CHST9: variants seen among roughly 807,000 people sequenced by gnomAD.
CHST9 encodes GalNAc-4-sulfotransferase 2.
In CHST9, 41 loss-of-function variants were observed where a neutral mutation model predicts 44.4. The ratio of observed to expected loss-of-function variants is 0.92; its 90% confidence interval spans 0.72 to 1.20. The LOEUF is 1.20. Ranked by LOEUF, CHST9 falls within the 50% of genes most tolerant of loss-of-function variation. The pLI is 0.00. For missense variants in CHST9, 504 were observed against 516.5 expected (o/e 0.98, Z 0.23); for synonymous variants, 171 against 178.4 (o/e 0.96, Z 0.33).
At chr18:26,977,918 A>T (rs918261778) in intron 4 of CHST9, among the ~76,000 whole-genome samples, 1 of 146,212 alleles carries the variant, frequency 6.8e-6, no homozygotes, top group African/African-American at 2.5e-5. Context: ...TTAATAACTT[A>T]AAAAAAAAAA....
chr18:27,065,094 T>C (rs1032944043), intron 2 of CHST9, among the ~76,000 whole-genome samples: 1 of 152,234 alleles, frequency 6.6e-6, no homozygotes, highest in African/African-American at 2.4e-5. Context: ...ATATTTCATC[T>C]TGAAGACTGG....
At chr18:27,175,652 G>A (rs1022280586) in intron 1 of CHST9, among the ~76,000 whole-genome samples, 1 of 151,934 alleles carries the variant, frequency 6.6e-6, no homozygotes, top group Non-Finnish European at 1.5e-5. Flanking sequence ...ATGTGAGGGT[G>A]GATACATGTG....
chr18:26,923,886 C>T (rs983625890), intron 5 of CHST9, among the ~76,000 whole-genome samples: 1 of 152,000 alleles, frequency 6.6e-6, no homozygotes, highest in Non-Finnish European at 1.5e-5. Context: ...TGAGATGAGC[C>T]TGGGAAGATG....
intron 2 of CHST9, among the ~76,000 whole-genome samples, chr18:27,117,022 G>C (rs986192881): frequency 1.3e-5 from 2 of 151,550 alleles, no homozygotes; most frequent in African/African-American, 4.8e-5. Flanking sequence ...TCAAGAGATA[G>C]TTTCTCCTTT....
At chr18:27,068,348 C>T (rs2057804021) in intron 2 of CHST9, among the ~76,000 whole-genome samples, 1 of 151,882 alleles carries the variant, frequency 6.6e-6, no homozygotes, top group Non-Finnish European at 1.5e-5. Flanking sequence ...TTTCTTTGAA[C>T]ATTTAAGATG....
At chr18:26,957,826 A>C (rs979085063) in intron 4 of CHST9, among the ~76,000 whole-genome samples, 1 of 152,154 alleles carries the variant, frequency 6.6e-6, no homozygotes, top group Non-Finnish European at 1.5e-5. Context: ...GTGCCTAGGT[A>C]CATTTTATGT....
chr18:27,022,748 A>G (rs937960806), intron 4 of CHST9, among the ~76,000 whole-genome samples: 2 of 152,166 alleles, frequency 1.3e-5, no homozygotes, highest in African/African-American at 4.8e-5. Context: ...CTGTTACTGA[A>G]TATTCTCCCA....
intron 1 of CHST9, among the ~76,000 whole-genome samples, chr18:27,152,741 T>G (rs1029380045): frequency 6.6e-6 from 1 of 152,050 alleles, no homozygotes; most frequent in African/African-American, 2.4e-5. Flanking sequence ...TAGATAGAGA[T>G]AGAAGATTTT....
At chr18:27,136,664 G>A (rs1351731429) in intron 2 of CHST9, among the ~76,000 whole-genome samples, 2 of 152,184 alleles carry the variant, frequency 1.3e-5, no homozygotes, top group Non-Finnish European at 2.9e-5. Flanking sequence ...TTAGAGCATT[G>A]CCTGGGACCC....
chr18:27,098,740 G>A (rs2058142281), intron 2 of CHST9, among the ~76,000 whole-genome samples: 1 of 151,834 alleles, frequency 6.6e-6, no homozygotes, highest in Admixed American at 6.6e-5. Context: ...CCCATAAGTG[G>A]GAGTACAAAG....
intron 2 of CHST9, among the ~76,000 whole-genome samples, chr18:27,085,098 C>T (rs868336687): frequency 2.6e-5 from 4 of 152,064 alleles, no homozygotes; most frequent in Admixed American, 6.5e-5. Context: ...CATGTGCAGA[C>T]GAGAAGAATG....
intron 2 of CHST9, among the ~76,000 whole-genome samples, chr18:27,129,559 A>G (rs1003702954): frequency 3.3e-5 from 5 of 151,810 alleles, no homozygotes; most frequent in Non-Finnish European, 7.4e-5. Flanking sequence ...TGCCCAGATA[A>G]TGTTTGTATT....
intron 2 of CHST9, among the ~76,000 whole-genome samples, chr18:27,102,608 C>T (rs1230075155): frequency 7.2e-5 from 11 of 152,282 alleles, no homozygotes; most frequent in South Asian, 2.1e-4. Flanking sequence ...TCTTAGATAA[C>T]GATATTATCA....
chr18:27,057,916 A>T (rs1247985113), intron 2 of CHST9, among the ~76,000 whole-genome samples: 1 of 152,244 alleles, frequency 6.6e-6, no homozygotes, highest in African/African-American at 2.4e-5. Context: ...TCCCACTGAG[A>T]TCTACCCGAC....
At chr18:27,135,755 C>T (rs948137642) in intron 2 of CHST9, among the ~76,000 whole-genome samples, 1 of 152,206 alleles carries the variant, frequency 6.6e-6, no homozygotes, top group East Asian at 1.9e-4. Context: ...TTCCTTAAAA[C>T]GTCTGGTCTT....
intron 1 of CHST9, among the ~76,000 whole-genome samples, chr18:27,177,391 T>C (rs1044712179): frequency 6.6e-6 from 1 of 151,814 alleles, no homozygotes; most frequent in Admixed American, 6.6e-5. Flanking sequence ...TTACAGACTA[T>C]ATTTGCTTAA....
intron 4 of CHST9, among the ~76,000 whole-genome samples, chr18:26,986,852 A>T (rs1044466665): frequency 8.5e-5 from 13 of 152,188 alleles, no homozygotes; most frequent in Admixed American, 5.2e-4. Flanking sequence ...TCAAAAATAA[A>T]GGTTAAATAA....
chr18:27,126,998 A>G (rs9957918), intron 2 of CHST9, among the ~76,000 whole-genome samples: 14,814 of 152,230 alleles, frequency 0.097, 782 homozygotes, highest in East Asian at 0.15. Context: ...ATCATACATG[A>G]CAACAGTCTT....
At chr18:26,967,260 T>A (rs966255537) in intron 4 of CHST9, among the ~76,000 whole-genome samples, 1 of 152,168 alleles carries the variant, frequency 6.6e-6, no homozygotes. Context: ...GAATGCTATG[T>A]AGGAAGCTGC....
Sources: allele counts gnomAD v4.1 joint callset (sites outside exome capture counted in the v4.1 genomes callset), GRCh38; gene constraint gnomAD v4.1.1; transcripts MANE v1.5; gene names NCBI Gene and HGNC (gene_info 2026-07-23, HGNC 2026-07-21).